The following ANOS1 variants were observed in gnomAD, a reference collection of about 807,000 sequenced individuals.
ANOS1 encodes anosmin 1.
A neutral mutation model predicts 59.0 loss-of-function variants in ANOS1; 6 were observed. The ratio of observed to expected loss-of-function variants is 0.10; its 90% confidence interval spans 0.06 to 0.20. ANOS1 has a LOEUF of 0.20. Among genes scored for constraint, ANOS1 ranks in the 10% least tolerant of loss-of-function variants. The pLI is 1.00. For missense variants in ANOS1, 433 were observed against 542.3 expected, an observed-to-expected ratio of 0.80 and a Z score of 2.00; for synonymous variants, 217 against 223.4, an observed-to-expected ratio of 0.97 and a Z score of 0.25.
In ANOS1 at chrX:8,708,489, T is replaced by A. The variant is rs144891538; in HGVS notation, c.208-8744A>T. On this transcript the variant is annotated intron_variant, in intron 1 of 13. Transcript: ENST00000262648. Reference sequence around the variant, plus strand: ...AGCACTTCTCAAAAGAAGACATTTATGTGGCCAACAAACATATGAAAAAAG... The same window carrying A: ...AGCACTTCTCAAAAGAAGACATTTAAGTGGCCAACAAACATATGAAAAAAG... 5.9e-3 allele frequency among the ~76,000 whole-genome samples: 658 copies of A among 112,093 alleles called. 4 individuals carry two copies. Among genetic ancestry groups the A allele is most frequent in the African/African-American group, 0.02 (621 of 30,804 alleles).
At chrX:8,568,123 C>T (rs1237988571) in intron 8 of ANOS1, 109 bp downstream of exon 8, 3 of 773,395 alleles carry the variant, frequency 3.9e-6, no homozygotes, top group Non-Finnish European at 5.8e-6. Context: ...AGAAGATTTG[C>T]CATATAATTA....
intron 2 of ANOS1, among the ~76,000 whole-genome samples, chrX:8,671,681 T>C (rs978068647): frequency 9.2e-6 from 1 of 108,427 alleles, no homozygotes; most frequent in Non-Finnish European, 1.9e-5. Flanking sequence ...ATACATAGTA[T>C]ACAATAGTAT....
At chrX:8,697,755 T>C (rs1029739084) in intron 2 of ANOS1, among the ~76,000 whole-genome samples, 8 of 112,292 alleles carry the variant, frequency 7.1e-5, no homozygotes, top group Admixed American at 4.7e-4. Context: ...AACTGGTTTC[T>C]AGAGTTGTTG....
intron 8 of ANOS1, among the ~76,000 whole-genome samples, chrX:8,567,363 C>T (rs1036347257): frequency 8.1e-5 from 9 of 111,681 alleles, no homozygotes; most frequent in Admixed American, 5.7e-4. Flanking sequence ...ACAGGCATGC[C>T]ACACCACTTT....
chrX:8,563,401 G>T (rs1930062769), intron 8 of ANOS1, among the ~76,000 whole-genome samples: 1 of 112,171 alleles, frequency 8.9e-6, no homozygotes, highest in Admixed American at 9.5e-5. Context: ...TCATTTAACT[G>T]CCTGTTTTGT....
At chrX:8,569,409 A>C (rs749626182) in intron 7 of ANOS1, among the ~76,000 whole-genome samples, 1 of 112,467 alleles carries the variant, frequency 8.9e-6, no homozygotes, top group Non-Finnish European at 1.9e-5. Context: ...TTGGGAGGCC[A>C]AGGTGGGCGG....
chrX:8,603,923 C>T (rs187521378), intron 3 of ANOS1, among the ~76,000 whole-genome samples: 1 of 111,718 alleles, frequency 9.0e-6, no homozygotes, highest in Non-Finnish European at 1.9e-5. Context: ...TCATAACCAC[C>T]ACCATCACCA....
chrX:8,684,377 T>C lies in ANOS1; in HGVS notation c.255+15321A>G, dbSNP rs1232936160. On this transcript the variant is annotated intron_variant, in intron 2 of 13. Coordinates refer to ENST00000262648, the MANE Select transcript of ANOS1 (RefSeq NM_000216.4). ...TTCAAAAGATTCTAGGAAGGGATTA[T>C]TTCTGTGCCCAAAGAGCCCCTAGAG... Among the ~76,000 whole-genome samples the C allele has an allele frequency of 2.7e-5, 3 of 111,347 alleles. No individual in the cohort carries two copies. In the Admixed American group the frequency reaches 2.9e-4, roughly 11 times the overall value.
chrX:8,564,035 G>A (rs1210103357), intron 8 of ANOS1, among the ~76,000 whole-genome samples: 1 of 111,464 alleles, frequency 9.0e-6, no homozygotes, highest in African/African-American at 3.3e-5. Context: ...CATTGAGAAT[G>A]GACCATGAGT....
chrX:8,711,927 C>T (rs888962177), intron 1 of ANOS1, among the ~76,000 whole-genome samples: 11 of 112,802 alleles, frequency 9.8e-5, no homozygotes, highest in South Asian at 3.6e-4. Context: ...ATTAGATTCA[C>T]ATATCAAAAC....
At chrX:8,542,355 C>T (rs933130865) in intron 9 of ANOS1, among the ~76,000 whole-genome samples, 13 of 111,220 alleles carry the variant, frequency 1.2e-4, no homozygotes, top group Non-Finnish European at 2.3e-4. Context: ...AATTTTGACC[C>T]CACACATAAC....
chrX:8,536,667 C>G, intron 11 of ANOS1, 104 bp downstream of exon 11: 1 of 601,993 alleles, frequency 1.7e-6, no homozygotes, highest in Non-Finnish European at 2.8e-6. Flanking sequence ...GAAAGAGAGG[C>G]ACTTTTGGTT....
intron 1 of ANOS1, among the ~76,000 whole-genome samples, chrX:8,711,060 G>A (rs918155535): frequency 8.9e-5 from 10 of 112,365 alleles, no homozygotes; most frequent in Non-Finnish European, 1.7e-4. Context: ...AGCAAAGAAT[G>A]GGGTTGGAGG....
intron 6 of ANOS1, among the ~76,000 whole-genome samples, chrX:8,578,532 C>T (rs1930368875): frequency 9.0e-6 from 1 of 111,659 alleles, no homozygotes; most frequent in South Asian, 3.7e-4. Flanking sequence ...GTTTTACTGA[C>T]ACTCTGTAAT....
At chrX:8,606,907 C>T (rs1930953626) in intron 3 of ANOS1, among the ~76,000 whole-genome samples, 1 of 112,806 alleles carries the variant, frequency 8.9e-6, no homozygotes, top group South Asian at 3.6e-4. Flanking sequence ...CACTTGAGGT[C>T]ATGAGTTTGA....
At chrX:8,691,460 GATAA>G (rs1932606080) in intron 2 of ANOS1, among the ~76,000 whole-genome samples, 1 of 111,778 alleles carries the variant, frequency 8.9e-6, no homozygotes. Context: ...AAATCCCATA[GATAA>G]ATAGACAATA....
At chrX:8,702,691 C>CA (rs1333189134) in intron 1 of ANOS1, among the ~76,000 whole-genome samples, 1 of 112,256 alleles carries the variant, frequency 8.9e-6, no homozygotes, top group Non-Finnish European at 1.9e-5. Flanking sequence ...TTCCCCTGTG[C>CA]AGAGTTGGCT....
chrX:8,538,778 A>C (rs1262154772), intron 10 of ANOS1, among the ~76,000 whole-genome samples: 3 of 112,447 alleles, frequency 2.7e-5, no homozygotes, highest in Non-Finnish European at 5.6e-5. Context: ...AATTAAGTCC[A>C]GTAAAAAAGA....
At chrX:8,649,638 G>A (rs752545273) in intron 2 of ANOS1, among the ~76,000 whole-genome samples, 2 of 112,619 alleles carry the variant, frequency 1.8e-5, no homozygotes, top group African/African-American at 3.2e-5. Flanking sequence ...TTCAGTGAAC[G>A]AATACAACAA....
Sources: allele counts gnomAD v4.1 joint callset (sites outside exome capture counted in the v4.1 genomes callset), GRCh38; gene constraint gnomAD v4.1.1; transcripts MANE v1.5; gene names NCBI Gene and HGNC (gene_info 2026-07-23, HGNC 2026-07-21).